MEG3: variants seen among roughly 807,000 people sequenced by gnomAD.
MEG3 encodes Very putative protein from MEG3 locus.
chr14:100,827,240 T>C (rs2139930130), intron 1 of MEG3, among the ~76,000 whole-genome samples: 1 of 143,280 alleles, frequency 7.0e-6, no homozygotes, highest in East Asian at 2.2e-4. Context: ...CCGGCGGGCC[T>C]GGTGGGGGCG....
At chr14:100,843,277 C>T (rs1282031807) in intron 2 of MEG3, among the ~76,000 whole-genome samples, 1 of 152,210 alleles carries the variant, frequency 6.6e-6, no homozygotes, top group African/African-American at 2.4e-5. Context: ...AAGCACCCGC[C>T]TCTGATTCCT....
exon 1 of MEG3, chr14:100,834,747 G>A (rs368067138): frequency 6.6e-6 from 3 of 456,466 alleles, no homozygotes; most frequent in Admixed American, 2.4e-5. Flanking sequence ...TGTTGGTTTC[G>A]CCAGGTGAGT....
intron 2 of MEG3, among the ~76,000 whole-genome samples, chr14:100,839,456 T>C (rs2037686826): frequency 6.6e-6 from 1 of 152,198 alleles, no homozygotes; most frequent in Non-Finnish European, 1.5e-5. Context: ...GGTGTACCTT[T>C]TGAAACGAGG....
intron 1 of MEG3, among the ~76,000 whole-genome samples, chr14:100,828,492 C>T (rs555330776): frequency 2.8e-5 from 2 of 72,640 alleles, no homozygotes; most frequent in Admixed American, 3.0e-4. Flanking sequence ...TTTTCCCCTC[C>T]CCTTCTCTCC....
At chr14:100,860,556 TGCTGCTAGGAGCCC>T in intron 1 of MEG3, 1 of 431,520 alleles carries the variant, frequency 2.3e-6, no homozygotes, top group South Asian at 1.7e-5. Context: ...TCACCCTCCA[TGCTGCTAGGAGCCC>T]GTGAGCAGGG....
Position 100,845,118 on chromosome 14 carries a change from A to G in MEG3, n.3046-340A>G, listed in dbSNP as rs1458376934. On this transcript the variant is annotated intron_variant and non_coding_transcript_variant, in intron 2 of 3. Coordinates refer to the MEG3 transcript ENST00000398461. This position sits in a 1 kb window ranked among gnomAD's most constrained non-coding sequence, Gnocchi z 5.2. ...CTTGCTTCTGCCAGAGCACAGGTTC[A>G]TGCCCTGTCTTCAGGGCCTGGGCCA... Among the ~76,000 whole-genome samples the G allele has an allele frequency of 6.6e-6, 1 of 152,190 alleles. No homozygotes were observed. The highest frequency in any genetic ancestry group is 1.5e-5 in the Non-Finnish European group (1 of 68,024).
rs557977360 is a variant in MEG3, at chr14:100,849,463, T to C, written n.3121+3930T>C. 5 of 152,344 alleles carry C rather than the reference T, an allele frequency of 3.3e-5. No individual in the cohort carries two copies. The East Asian group carries it at 9.6e-4, about 29-fold the overall frequency. The allele number at this position is 152,344 out of a possible 1,614,324, so 9.4% of individuals were successfully genotyped here. ...CGACTGAATTAGAAATGGAAATGCCTGGCACAGCCAGGAAGGAGCTGCCCA... is the reference window on the plus strand; with the variant it reads ...CGACTGAATTAGAAATGGAAATGCCCGGCACAGCCAGGAAGGAGCTGCCCA... On this transcript the variant is annotated intron_variant and non_coding_transcript_variant, in intron 3 of 3. Coordinates refer to the MEG3 transcript ENST00000398461.
At chr14:100,826,761 T>C (rs907371364) in intron 1 of MEG3, among the ~76,000 whole-genome samples, 10 of 152,108 alleles carry the variant, frequency 6.6e-5, no homozygotes, top group Non-Finnish European at 1.2e-4. Context: ...CGCGAGGTTT[T>C]CCGAATCCAA....
intron 2 of MEG3, among the ~76,000 whole-genome samples, chr14:100,836,764 C>T (rs944971639): frequency 1.3e-5 from 2 of 152,224 alleles, no homozygotes; most frequent in South Asian, 2.1e-4. Flanking sequence ...GCCATGGTAG[C>T]GTCACCCCCT....
At chr14:100,860,711 C>A (rs1017021819) in intron 1 of MEG3, 36 of 456,556 alleles carry the variant, frequency 7.9e-5, no homozygotes, top group African/African-American at 6.6e-4. Context: ...CACGGGGACA[C>A]CCTGCACCTA....
exon 2 of MEG3, chr14:100,860,928 C>G: frequency 2.9e-6 from 1 of 345,418 alleles, no homozygotes; most frequent in South Asian, 2.1e-5. Flanking sequence ...ACCTACCTCA[C>G]AGGGCTGTTG....
chr14:100,839,228 C>G (rs988990319), intron 2 of MEG3, among the ~76,000 whole-genome samples: 1 of 152,074 alleles, frequency 6.6e-6, no homozygotes, highest in African/African-American at 2.4e-5. Context: ...GTGGACAATG[C>G]GGAAGCCAGC....
chr14:100,860,806 G>A (rs760215616), exon 2 of MEG3: 10 of 429,600 alleles, frequency 2.3e-5, no homozygotes, highest in Middle Eastern at 3.6e-4. Context: ...GATGGACGCC[G>A]CTGACCTGGG....
At chr14:100,835,927 T>C in intron 1 of MEG3, 1 of 311,722 alleles carries the variant, frequency 3.2e-6, no homozygotes, top group South Asian at 2.7e-5. Flanking sequence ...GCCCTGAGAG[T>C]CCTGGGCTCT....
At chr14:100,843,761 G>A (rs998470099) in intron 2 of MEG3, among the ~76,000 whole-genome samples, 1 of 146,796 alleles carries the variant, frequency 6.8e-6, no homozygotes, top group Non-Finnish European at 1.5e-5. Flanking sequence ...CCTGAGGACA[G>A]GCGGCAGTCT....
At chr14:100,834,670 C>G (rs896923693) in exon 1 of MEG3, 1 of 456,520 alleles carries the variant, frequency 2.2e-6, no homozygotes, top group Non-Finnish European at 4.4e-6. Context: ...TTGACCAGCC[C>G]CGTGTCTCCT....
chr14:100,845,659 A>G lies in MEG3; in HGVS notation n.3121+126A>G, dbSNP rs2037898283. ...GCGGGCACTGGCCGGGGGTCTGTGC[A>G]CCGGGAGGTGGGTGCCCATCGAGTC... is the stretch of plus-strand genomic sequence containing the variant. On this transcript the variant is annotated intron_variant and non_coding_transcript_variant, in intron 3 of 3. Coordinates refer to the MEG3 transcript ENST00000398461. This position sits in a 1 kb window ranked among gnomAD's most constrained non-coding sequence, Gnocchi z 5.2. The G allele has an allele frequency of 2.9e-6, 1 of 346,708 alleles. No homozygotes were observed. The highest frequency in any genetic ancestry group is 8.6e-5 in the East Asian group (1 of 11,578). The allele number at this position is 346,708 out of a possible 1,614,324, so 21.5% of individuals were successfully genotyped here.
chr14:100,842,702 T>G (rs904308470), intron 2 of MEG3, among the ~76,000 whole-genome samples: 6 of 152,224 alleles, frequency 3.9e-5, no homozygotes, highest in African/African-American at 1.4e-4. Context: ...ATAAGTTGTT[T>G]ATACCAAAGA....
intron 2 of MEG3, chr14:100,828,967 C>G (rs761988576): frequency 5.3e-5 from 8 of 152,138 alleles, no homozygotes; most frequent in African/African-American, 1.7e-4. Flanking sequence ...AATTAATGAA[C>G]TTAAACTGTA....
Sources: gnomAD v4.1 joint callset for allele counts (sites outside exome capture counted in the v4.1 genomes callset) on GRCh38, gnomAD v4.1.1 for gene constraint, Gnocchi (gnomAD v3.1) non-coding constraint, MANE v1.5 for transcripts, NCBI Gene and HGNC (gene_info 2026-07-23, HGNC 2026-07-21) for gene names.